KIRREL3: variants seen among roughly 807,000 people sequenced by gnomAD.
KIRREL3 encodes the protein kin of IRRE-like protein 3.
Under a neutral mutation model 89.7 loss-of-function variants are expected in KIRREL3, and 36 were observed. That is an observed-to-expected ratio of 0.40 (90% CI 0.31 to 0.53). The LOEUF (loss-of-function observed/expected upper bound fraction) is 0.53, where lower values mean the gene tolerates loss of function less well. Among genes scored for constraint, KIRREL3 ranks in the 20% least tolerant of loss-of-function variants. The pLI is 0.49. For synonymous variants in KIRREL3, 445 were observed against 441.4 expected (o/e 1.01, Z -0.10); for missense variants, 864 against 1,056.6 (o/e 0.82, Z 2.53).
rs187436215 is a variant in KIRREL3 at position 126,604,202 on chromosome 11, G to A, written c.56-41290C>T. On this transcript the variant is annotated intron_variant, in intron 1 of 16. Transcript: ENST00000525144. ...TTGTGCTATCTCCTCCGGGTGTCCA[G>A]TATTATGACCACTGTATTTCTGAAC... Among the ~76,000 whole-genome samples the A allele has an allele frequency of 3.9e-5, 6 of 152,314 alleles. No homozygotes were observed. In the East Asian group the frequency reaches 9.6e-4, roughly 24 times the overall value.
At chr11:126,737,370 C>A (rs1426696359) in intron 1 of KIRREL3, among the ~76,000 whole-genome samples, 1 of 151,910 alleles carries the variant, frequency 6.6e-6, no homozygotes. Context: ...AGGGAGAGGG[C>A]GGAGGAGGGA....
chr11:126,901,155 A>G (rs1305357840), intron 1 of KIRREL3, among the ~76,000 whole-genome samples: 1 of 142,944 alleles, frequency 7.0e-6, no homozygotes, highest in Admixed American at 7.2e-5. Context: ...CAGAGGTTGC[A>G]GTGAGCTGAG....
intron 2 of KIRREL3, among the ~76,000 whole-genome samples, chr11:126,533,724 C>A (rs1317618477): frequency 6.6e-6 from 1 of 152,242 alleles, no homozygotes; most frequent in African/African-American, 2.4e-5. Flanking sequence ...AGGAATCAGA[C>A]TGACCTGGGT....
rs141612782 is a variant in KIRREL3 at position 126,430,476 on chromosome 11, C to T, written c.1696+943G>A. On this transcript the variant is annotated intron_variant, in intron 14 of 16. Transcript: ENST00000525144. This position sits in a 1 kb window ranked among gnomAD's most constrained non-coding sequence, Gnocchi z 6.6. ...AACCGTATATATATGTGTATATATG[C>T]GTATGTGTATATATTTGTATGCTTC... Among the ~76,000 whole-genome samples, 378 of 152,028 alleles carry T rather than the reference C, an allele frequency of 2.5e-3. No individual in the cohort carries two copies. The highest frequency in any genetic ancestry group is 3.6e-3 in the African/African-American group (147 of 41,400).
chr11:126,743,174 C>A (rs892111479), intron 1 of KIRREL3, among the ~76,000 whole-genome samples: 7 of 151,744 alleles, frequency 4.6e-5, no homozygotes, highest in African/African-American at 1.2e-4. Flanking sequence ...AACAAACAAA[C>A]AAAAAAAACA....
Position 126,446,632 on chromosome 11 carries a change from C to T in KIRREL3, c.1125+127G>A, listed in dbSNP as rs1372101549. 11 of 1,086,362 alleles carry T rather than the reference C, an allele frequency of 1.0e-5. No individual in the cohort carries two copies. The South Asian group carries it at 1.6e-4, about 16-fold the overall frequency. The allele number at this position is 1,086,362 out of a possible 1,614,324, so 67.3% of individuals were successfully genotyped here. A position where few individuals can be genotyped will look rare whatever the true frequency, so the allele number is the denominator to read the frequency against. On this transcript the variant is annotated intron_variant, in intron 9 of 16. Coordinates refer to ENST00000525144, the MANE Select transcript of KIRREL3 (RefSeq NM_032531.4). The stretch of plus-strand genomic sequence containing the variant: ...CCTCCTCTTTCTGGGATCTTTCTCC[C>T]TGTGGCTTACACTGGAGGCTGACTC...
rs116199239 is a variant in KIRREL3 at position 126,847,933 on chromosome 11, T to A, written c.55+152522A>T. Among the ~76,000 whole-genome samples, 313 of 152,322 alleles carry A rather than the reference T, an allele frequency of 2.1e-3. 3 individuals are homozygous for A. The highest frequency in any genetic ancestry group is 7.1e-3 in the African/African-American group (295 of 41,578). Reference sequence around the variant, plus strand: ...AACAGGACACAATTGGAGAAACTGGTTATTTTACCATGTCTCTGACTGAAA... The same window carrying A: ...AACAGGACACAATTGGAGAAACTGGATATTTTACCATGTCTCTGACTGAAA... On this transcript the variant is annotated intron_variant, in intron 1 of 16. Transcript: ENST00000525144.
intron 1 of KIRREL3, among the ~76,000 whole-genome samples, chr11:126,602,442 C>T (rs899487681): frequency 3.3e-5 from 5 of 152,208 alleles, no homozygotes; most frequent in Non-Finnish European, 5.9e-5. Context: ...GTCGTTTATG[C>T]AAGTCTATAT....
chr11:126,535,755 C>T lies in KIRREL3; in HGVS notation c.134-9068G>A, dbSNP rs1329185735. 9.8e-5 allele frequency among the ~76,000 whole-genome samples: 15 copies of T among 152,296 alleles called. No individual in the cohort carries two copies. Among genetic ancestry groups the T allele is most frequent in the South Asian group, 8.3e-4 (4 of 4,828 alleles). Reference sequence around the variant, plus strand: ...ATCCCAGCACTTTGGGAAGCTGAGGCGGGTGGATCACCTGAGGTCAGGGGT... The same window carrying T: ...ATCCCAGCACTTTGGGAAGCTGAGGTGGGTGGATCACCTGAGGTCAGGGGT... On this transcript the variant is annotated intron_variant, in intron 2 of 16. Coordinates refer to ENST00000525144, the MANE Select transcript of KIRREL3 (RefSeq NM_032531.4). The surrounding 1 kb of genome is among the most constrained non-coding windows in gnomAD (Gnocchi z 4.5).
chr11:126,789,523 C>T (rs528996167), intron 1 of KIRREL3, among the ~76,000 whole-genome samples: 24 of 152,318 alleles, frequency 1.6e-4, no homozygotes, highest in African/African-American at 5.1e-4. Flanking sequence ...TCCACTTCAC[C>T]TTCTCTCATT....
rs769678906 is a variant in KIRREL3 at position 126,449,051 on chromosome 11, C to G, written c.955G>C (p.Ala319Pro). 2 of 1,613,638 alleles carry G rather than the reference C, an allele frequency of 1.2e-6. No individual in the cohort carries two copies. The highest frequency in any genetic ancestry group is 1.3e-5 in the African/African-American group (1 of 74,876). The change falls in exon 8 of 17, where the codon GCC (alanine) becomes CCC (proline). Residue 319 changes from alanine to proline, a missense_variant. Transcript: ENST00000525144. ...CGGCTGAGGTTGGTGCTGCCCAGGG[C>G]GTTGGTCACCTCACAGGAGACGGGC... ...SEPVSCEVTN[A>P]LGSTNLSRTV...
At position 126,943,005 on chromosome 11, in the gene KIRREL3, G is replaced by A. The variant is rs943290697; in HGVS notation, c.55+57450C>T. On this transcript the variant is annotated intron_variant, in intron 1 of 16. Transcript: ENST00000525144. The surrounding 1 kb of genome is among the most constrained non-coding windows in gnomAD (Gnocchi z 4.2). ...ATTAAGGAGGCTATATGACTGTGGAGAGGAACATTAAAAGATTTTATTCTA... is the reference window on the plus strand; with the variant it reads ...ATTAAGGAGGCTATATGACTGTGGAAAGGAACATTAAAAGATTTTATTCTA... 7.2e-5 allele frequency among the ~76,000 whole-genome samples: 11 copies of A among 152,208 alleles called. No individual in the cohort carries two copies. The highest frequency in any genetic ancestry group is 1.6e-4 in the Non-Finnish European group (11 of 68,032).
chr11:126,503,112 A>C (rs1957913632), intron 4 of KIRREL3, among the ~76,000 whole-genome samples: 1 of 152,214 alleles, frequency 6.6e-6, no homozygotes, highest in Non-Finnish European at 1.5e-5. Context: ...TGTTTAGATA[A>C]GATTGCCACA....
At chr11:126,680,460 T>A (rs1037203222) in intron 1 of KIRREL3, among the ~76,000 whole-genome samples, 39 of 151,864 alleles carry the variant, frequency 2.6e-4, no homozygotes, top group Admixed American at 2.0e-3. Flanking sequence ...ACATGCTGAT[T>A]CTCTCTCCCC....
chr11:126,426,645 C>T (rs1954949803), intron 15 of KIRREL3, among the ~76,000 whole-genome samples: 1 of 152,210 alleles, frequency 6.6e-6, no homozygotes, highest in Admixed American at 6.5e-5. Context: ...CACAGTGATG[C>T]TTAACCTGTG....
chr11:126,668,959 G>C lies in KIRREL3; in HGVS notation c.56-106047C>G, dbSNP rs1447386087. Among the ~76,000 whole-genome samples, 2 of 152,056 alleles carry C rather than the reference G, an allele frequency of 1.3e-5. No homozygotes were observed. On this transcript the variant is annotated intron_variant, in intron 1 of 16. Transcript: ENST00000525144. The surrounding 1 kb of genome is among the most constrained non-coding windows in gnomAD (Gnocchi z 4.4). ...TTGGGGTGCTGGGTACTGACAGTAA[G>C]AGTGTCCAGGATGAGGGAATGCATG...
rs1947097996 is a variant in KIRREL3, at chr11:126,917,721, A to C, written c.55+82734T>G. Among the ~76,000 whole-genome samples the C allele has an allele frequency of 6.6e-6, 1 of 152,200 alleles. No individual in the cohort carries two copies. The highest frequency in any genetic ancestry group is 1.5e-5 in the Non-Finnish European group (1 of 68,040). ...ATATACTAGAAACCACTCACACTAG[A>C]AACCAATAGTGAGGTGGTTGCCACT... is the stretch of plus-strand genomic sequence containing the variant. On this transcript the variant is annotated intron_variant, in intron 1 of 16. Coordinates refer to ENST00000525144, the MANE Select transcript of KIRREL3 (RefSeq NM_032531.4). This position sits in a 1 kb window ranked among gnomAD's most constrained non-coding sequence, Gnocchi z 5.0.
At position 126,783,619 on chromosome 11, in the gene KIRREL3, AG is replaced by A. The variant is rs1296063495; in HGVS notation, c.55+216835del. ...AAAATAGTGTTGGAGGATAATCCAA[AG>A]CAAGTCCATACTGATGTAAATAGAT... is the stretch of plus-strand genomic sequence containing the variant. On this transcript the variant is annotated intron_variant, in intron 1 of 16. Transcript: ENST00000525144. This position sits in a 1 kb window ranked among gnomAD's most constrained non-coding sequence, Gnocchi z 4.3. Among the ~76,000 whole-genome samples the A allele has an allele frequency of 6.6e-6, 1 of 152,260 alleles. No individual in the cohort carries two copies. The highest frequency in any genetic ancestry group is 1.5e-5 in the Non-Finnish European group (1 of 68,050).
intron 1 of KIRREL3, among the ~76,000 whole-genome samples, chr11:126,785,544 T>C (rs1950461466): frequency 1.3e-5 from 2 of 152,062 alleles, no homozygotes; most frequent in Non-Finnish European, 2.9e-5. Flanking sequence ...AAGGGTCCTA[T>C]TGTGTCCCTC....
Sources: gnomAD v4.1 joint callset for allele counts (sites outside exome capture counted in the v4.1 genomes callset) on GRCh38, gnomAD v4.1.1 for gene constraint, Gnocchi (gnomAD v3.1) non-coding constraint, MANE v1.5 for transcripts, NCBI Gene and HGNC (gene_info 2026-07-23, HGNC 2026-07-21) for gene names.